TOMM20: variants seen among roughly 807,000 people sequenced by gnomAD.
TOMM20 encodes translocase of outer mitochondrial membrane 20.
In TOMM20, 10 loss-of-function variants were observed where a neutral mutation model predicts 22.1. The observed-to-expected ratio is 0.45, with a 90% CI of 0.28 to 0.77. The LOEUF is 0.77. TOMM20 is among the 30% of genes least tolerant of loss of function. The probability of loss-of-function intolerance (pLI) is 0.13; values close to 1 mark genes in which losing one functional copy is unlikely to be tolerated. For synonymous variants in TOMM20, 55 were observed against 61.4 expected (o/e 0.90, Z 0.49); for missense variants, 121 against 172.2 (o/e 0.70, Z 1.66).
At chr1:235,127,353 G>C (rs1661041647) in intron 1 of TOMM20, among the ~76,000 whole-genome samples, 2 of 152,190 alleles carry the variant, frequency 1.3e-5, no homozygotes, top group Non-Finnish European at 2.9e-5. Context: ...CCGCTAACCT[G>C]GCCCTAGAAA....
intron 4 of TOMM20, among the ~76,000 whole-genome samples, chr1:235,112,800 A>G (rs531432104): frequency 6.6e-6 from 1 of 152,172 alleles, no homozygotes; most frequent in Non-Finnish European, 1.5e-5. Flanking sequence ...CCTCAGGCCA[A>G]TTTTCCAAAA....
intron 1 of TOMM20, among the ~76,000 whole-genome samples, chr1:235,126,460 T>C (rs1379677278): frequency 6.6e-6 from 1 of 152,056 alleles, no homozygotes; most frequent in East Asian, 1.9e-4. Context: ...ACTGCAAGAT[T>C]ATTCTAAATA....
At chr1:235,126,882 T>C (rs1414521237) in intron 1 of TOMM20, among the ~76,000 whole-genome samples, 1 of 152,172 alleles carries the variant, frequency 6.6e-6, no homozygotes, top group Non-Finnish European at 1.5e-5. Context: ...ACTATACCAT[T>C]TTACAAAAAG....
At chr1:235,120,104 T>C (rs990306000) in intron 2 of TOMM20, among the ~76,000 whole-genome samples, 8 of 152,224 alleles carry the variant, frequency 5.3e-5, no homozygotes, top group African/African-American at 1.7e-4. Context: ...GAGTTTGTAG[T>C]TGAATAATTC....
chr1:235,111,785 TTAACTATG>T lies in TOMM20; in HGVS notation c.*271_*278del, dbSNP rs1558127330. 2.9e-6 allele frequency: 1 copy of T among 346,552 alleles called. No individual in the cohort carries two copies. Among genetic ancestry groups the T allele is most frequent in the Non-Finnish European group, 5.2e-6 (1 of 190,948 alleles). The allele number at this position is 346,552 out of a possible 1,614,324, so 21.5% of individuals were successfully genotyped here. On this transcript the variant is annotated 3_prime_UTR_variant, in exon 5 of 5. Coordinates refer to ENST00000366607, the MANE Select transcript of TOMM20 (RefSeq NM_014765.3). ...ACATAAGCCATGTCATATGTACAGTTTAACTATGTAACTATGTTTCAGGAATAAACAAA... is the reference window on the plus strand; with the variant it reads ...ACATAAGCCATGTCATATGTACAGTTTAACTATGTTTCAGGAATAAACAAA...
At chr1:235,125,247 C>CT (rs1660991274) in intron 1 of TOMM20, among the ~76,000 whole-genome samples, 1 of 152,174 alleles carries the variant, frequency 6.6e-6, no homozygotes, top group Admixed American at 6.5e-5. Context: ...CGGAGTCTCG[C>CT]TTTGTCGCCC....
intron 2 of TOMM20, among the ~76,000 whole-genome samples, chr1:235,121,285 C>T (rs139546030): frequency 0.011 from 1,728 of 152,146 alleles, 30 homozygotes; most frequent in African/African-American, 0.036. Flanking sequence ...ATTAACCTAG[C>T]CAACACAAGT....
Position 235,111,698 on chromosome 1 carries a change from C to T in TOMM20, c.*366G>A, listed in dbSNP as rs1230746385. 1 of 166,418 alleles carries T rather than the reference C, an allele frequency of 6.0e-6. No homozygotes were observed. Among genetic ancestry groups the T allele is most frequent in the African/African-American group, 2.4e-5 (1 of 41,406 alleles). The allele number at this position is 166,418 out of a possible 1,614,324, so 10.3% of individuals were successfully genotyped here. A position where few individuals can be genotyped will look rare whatever the true frequency, so the allele number is the denominator to read the frequency against. Reference sequence around the variant, plus strand: ...GCCCTCTAAAAAAGTGTACATTCTTCAGTTTCTCCTATACTTTTTTTTTTT... The same window carrying T: ...GCCCTCTAAAAAAGTGTACATTCTTTAGTTTCTCCTATACTTTTTTTTTTT... On this transcript the variant is annotated 3_prime_UTR_variant, in exon 5 of 5. Transcript: ENST00000366607.
At chr1:235,119,621 C>G (rs1660896816) in intron 3 of TOMM20, among the ~76,000 whole-genome samples, 197 bp downstream of exon 3, 1 of 152,048 alleles carries the variant, frequency 6.6e-6, no homozygotes, top group African/African-American at 2.4e-5. Flanking sequence ...CAACAATATC[C>G]CACAAGGAAT....
rs1238347217 is a variant in TOMM20, at chr1:235,111,969, C to G, written c.*95G>C. ...TGGTAGATTTCAGTGTAGTTCATAA[C>G]AAGCATATTTGCCCTTATTCCCCCA... is the stretch of plus-strand genomic sequence containing the variant. On this transcript the variant is annotated 3_prime_UTR_variant, in exon 5 of 5. Transcript: ENST00000366607. 4.3e-6 allele frequency: 4 copies of G among 932,606 alleles called. No individual in the cohort carries two copies. In the East Asian group the frequency reaches 7.3e-5, roughly 17 times the overall value. 57.8% of individuals were successfully genotyped at this position (932,606 alleles called of 1,614,324 possible). A position where few individuals can be genotyped will look rare whatever the true frequency, so the allele number is the denominator to read the frequency against.
chr1:235,120,597 T>A (rs1260306096), intron 2 of TOMM20, among the ~76,000 whole-genome samples: 2 of 151,850 alleles, frequency 1.3e-5, no homozygotes, highest in African/African-American at 4.8e-5. Context: ...GACTGTTTTT[T>A]GAGACAGGGT....
At chr1:235,122,589 G>A in intron 1 of TOMM20, 1 of 397,370 alleles carries the variant, frequency 2.5e-6, no homozygotes, top group Non-Finnish European at 4.5e-6. Flanking sequence ...TTCCCTTTGG[G>A]GCAGAAGATC....
chr1:235,120,891 C>G (rs1446385875), intron 2 of TOMM20, among the ~76,000 whole-genome samples: 7 of 144,954 alleles, frequency 4.8e-5, no homozygotes, highest in Non-Finnish European at 1.1e-4. Flanking sequence ...AAAAAGAGGC[C>G]ATTTTTATTT....
intron 3 of TOMM20, among the ~76,000 whole-genome samples, chr1:235,117,917 AC>A (rs1227012146): frequency 6.6e-6 from 1 of 152,180 alleles, no homozygotes; most frequent in African/African-American, 2.4e-5. Flanking sequence ...GTTCCCAGGC[AC>A]CATCTTGGCC....
intron 1 of TOMM20, among the ~76,000 whole-genome samples, chr1:235,123,472 G>C (rs550885511): frequency 1.4e-3 from 208 of 152,214 alleles, no homozygotes; most frequent in Non-Finnish European, 2.3e-3. Flanking sequence ...GCAACAGAGC[G>C]ACACTCTGTC....
intron 3 of TOMM20, among the ~76,000 whole-genome samples, chr1:235,114,689 G>A (rs555935960): frequency 2.6e-5 from 4 of 151,518 alleles, no homozygotes; most frequent in Admixed American, 6.6e-5. Context: ...CGCCCACCTC[G>A]GCCTCCCAAA....
intron 1 of TOMM20, among the ~76,000 whole-genome samples, chr1:235,126,765 A>G (rs1443369778): frequency 6.6e-6 from 1 of 152,182 alleles, no homozygotes; most frequent in Non-Finnish European, 1.5e-5. Flanking sequence ...ACCCCACTGC[A>G]CTCGAGCCTG....
chr1:235,115,400 T>C (rs1422344981), intron 3 of TOMM20, among the ~76,000 whole-genome samples: 3 of 151,856 alleles, frequency 2.0e-5, no homozygotes, highest in South Asian at 2.1e-4. Flanking sequence ...GAGGCCAAGG[T>C]GGGTGGATCA....
intron 1 of TOMM20, among the ~76,000 whole-genome samples, chr1:235,123,478 CTG>C (rs954568769): frequency 6.6e-6 from 1 of 152,108 alleles, no homozygotes; most frequent in Non-Finnish European, 1.5e-5. Context: ...GAGCGACACT[CTG>C]TCTCAAAAAA....
Sources: allele counts gnomAD v4.1 joint callset (sites outside exome capture counted in the v4.1 genomes callset), GRCh38; gene constraint gnomAD v4.1.1; transcripts MANE v1.5; gene names NCBI Gene and HGNC (gene_info 2026-07-23, HGNC 2026-07-21).